Variants in RGS7 observed in about 807,000 individuals in gnomAD.
The protein encoded by RGS7 is regulator of G-protein signaling 7.
RGS7 carries 27 observed loss-of-function variants against 81.1 expected under a neutral mutation model. The ratio of observed to expected loss-of-function variants is 0.33; its 90% confidence interval spans 0.25 to 0.46. The LOEUF is 0.46. Ranked by LOEUF, RGS7 falls within the 20% of genes least tolerant of loss-of-function variation. The pLI, the probability that RGS7 is intolerant of heterozygous loss-of-function variation, is 1.00. For synonymous variants in RGS7, 208 were observed against 207.7 expected (o/e 1.00, Z -0.01); for missense variants, 396 against 607.4 (o/e 0.65, Z 3.66).
intron 3 of RGS7, among the ~76,000 whole-genome samples, chr1:241,038,546 T>C (rs2060447053): frequency 6.6e-6 from 1 of 152,212 alleles, no homozygotes; most frequent in Non-Finnish European, 1.5e-5. Flanking sequence ...GGGAGCTGAC[T>C]GAAAGAACAA....
chr1:241,049,487 C>A (rs1258834039), intron 3 of RGS7, among the ~76,000 whole-genome samples: 2 of 152,142 alleles, frequency 1.3e-5, no homozygotes, highest in Admixed American at 6.5e-5. Flanking sequence ...TAGTCCTCAT[C>A]CTTTTGTTAA....
intron 2 of RGS7, among the ~76,000 whole-genome samples, chr1:241,211,975 A>C (rs1279367103): frequency 6.6e-6 from 1 of 152,106 alleles, no homozygotes; most frequent in African/African-American, 2.4e-5. Context: ...CATTATTATT[A>C]ATTGAATGAG....
intron 2 of RGS7, among the ~76,000 whole-genome samples, chr1:241,177,995 G>A (rs1379717880): frequency 6.6e-6 from 1 of 152,140 alleles, no homozygotes; most frequent in African/African-American, 2.4e-5. Flanking sequence ...TAAGTCAGGA[G>A]TCTAGGACAG....
intron 2 of RGS7, among the ~76,000 whole-genome samples, chr1:241,176,753 C>T (rs1161003881): frequency 3.3e-5 from 5 of 152,088 alleles, no homozygotes; most frequent in Non-Finnish European, 7.4e-5. Flanking sequence ...AGACTCTGCT[C>T]TGAAGACTTA....
At chr1:241,007,639 T>C (rs1002987929) in intron 3 of RGS7, among the ~76,000 whole-genome samples, 3 of 152,166 alleles carry the variant, frequency 2.0e-5, no homozygotes, top group Non-Finnish European at 4.4e-5. Context: ...AAAAGCGTGG[T>C]ATGAGTATGT....
intron 10 of RGS7, among the ~76,000 whole-genome samples, chr1:240,820,644 G>A (rs1691608225): frequency 6.6e-6 from 1 of 152,106 alleles, no homozygotes. Context: ...GAGGCCTGAG[G>A]GAGCTCGTTT....
intron 18 of RGS7, among the ~76,000 whole-genome samples, chr1:240,785,451 C>T (rs546175799): frequency 3.9e-5 from 6 of 152,298 alleles, no homozygotes; most frequent in Admixed American, 6.5e-5. Flanking sequence ...TGCCTTCTTA[C>T]GTGATTTTGT....
chr1:241,273,447 T>C (rs1339884260), intron 2 of RGS7, among the ~76,000 whole-genome samples: 1 of 152,138 alleles, frequency 6.6e-6, no homozygotes, highest in Admixed American at 6.5e-5. Flanking sequence ...TTAGCTTTTT[T>C]TTTTGAGGGA....
chr1:240,897,939 A>C (rs12733183), intron 6 of RGS7, among the ~76,000 whole-genome samples: 19,446 of 152,046 alleles, frequency 0.13, 1,360 homozygotes, highest in Middle Eastern at 0.18. Flanking sequence ...GTAGGCTATT[A>C]ATTATTGCCT....
intron 4 of RGS7, among the ~76,000 whole-genome samples, chr1:240,958,934 A>G (rs963142149): frequency 2.6e-5 from 4 of 152,222 alleles, no homozygotes; most frequent in African/African-American, 9.6e-5. Context: ...TATACTTTTC[A>G]TAAAGATCTT....
At chr1:240,959,235 T>A (rs965978496) in intron 4 of RGS7, among the ~76,000 whole-genome samples, 3 of 152,150 alleles carry the variant, frequency 2.0e-5, no homozygotes, top group African/African-American at 7.2e-5. Flanking sequence ...TAACAGTAGC[T>A]CTGAGAATAA....
intron 3 of RGS7, among the ~76,000 whole-genome samples, chr1:241,093,052 A>AT (rs532798634): frequency 2.4e-3 from 361 of 152,226 alleles, no homozygotes; most frequent in Non-Finnish European, 4.0e-3. Context: ...CAAAGACACA[A>AT]TTTTTTAGTA....
chr1:241,189,736 G>C (rs542182740), intron 2 of RGS7, among the ~76,000 whole-genome samples: 85 of 152,194 alleles, frequency 5.6e-4, no homozygotes, highest in African/African-American at 2.0e-3. Context: ...ATTTATTTTA[G>C]TCTATGGACA....
At chr1:241,212,369 A>G (rs751327957) in intron 2 of RGS7, among the ~76,000 whole-genome samples, 1 of 152,188 alleles carries the variant, frequency 6.6e-6, no homozygotes, top group Non-Finnish European at 1.5e-5. Context: ...GAGGTGACAC[A>G]CGGTTCCAAG....
chr1:241,079,845 T>C (rs2063036132), intron 3 of RGS7, among the ~76,000 whole-genome samples: 1 of 152,078 alleles, frequency 6.6e-6, no homozygotes, highest in Admixed American at 6.6e-5. Flanking sequence ...TTTATTTATT[T>C]ATTTATTTAT....
intron 3 of RGS7, among the ~76,000 whole-genome samples, chr1:241,005,781 C>T (rs7515779): frequency 0.027 from 4,104 of 152,272 alleles, 162 homozygotes; most frequent in African/African-American, 0.089. Context: ...GTGATCCACC[C>T]GCCTTGGCCT....
chr1:241,059,917 A>C (rs532423826), intron 3 of RGS7, among the ~76,000 whole-genome samples: 1 of 150,180 alleles, frequency 6.7e-6, no homozygotes, highest in East Asian at 1.9e-4. Flanking sequence ...CAAGCCAGAA[A>C]TCTGGACATT....
chr1:241,297,631 T>A (rs538495068), intron 2 of RGS7, among the ~76,000 whole-genome samples: 1 of 152,164 alleles, frequency 6.6e-6, no homozygotes, highest in African/African-American at 2.4e-5. Context: ...CTCGGAAGAA[T>A]GACATAACGA....
At chr1:241,252,179 G>C (rs183654967) in intron 2 of RGS7, among the ~76,000 whole-genome samples, 1 of 151,912 alleles carries the variant, frequency 6.6e-6, no homozygotes, top group African/African-American at 2.4e-5. Flanking sequence ...AAGTAGCTGG[G>C]ATTACAGGCG....
Sources: gnomAD v4.1 joint callset for allele counts (sites outside exome capture counted in the v4.1 genomes callset) on GRCh38, gnomAD v4.1.1 for gene constraint, MANE v1.5 for transcripts, NCBI Gene and HGNC (gene_info 2026-07-23, HGNC 2026-07-21) for gene names.